The following SIPA1L2 variants were observed in gnomAD, a reference collection of about 807,000 sequenced individuals.
SIPA1L2 encodes signal induced proliferation associated 1 like 2.
In SIPA1L2, 56 loss-of-function variants were observed where a neutral mutation model predicts 163.9. The observed-to-expected ratio is 0.34, with a 90% CI of 0.28 to 0.43. The LOEUF (loss-of-function observed/expected upper bound fraction) is 0.43, where lower values mean the gene tolerates loss of function less well. Ranked by LOEUF, SIPA1L2 falls within the 20% of genes least tolerant of loss-of-function variation. SIPA1L2 has a pLI of 1.00. For synonymous variants in SIPA1L2, 877 were observed against 865.7 expected (o/e 1.01, Z -0.23); for missense variants, 1,974 against 2,193.5 (o/e 0.90, Z 2.00).
intron 3 of SIPA1L2, 64 bp from the exon 4 acceptor site, chr1:232,493,724 T>C (rs1326883870): frequency 5.0e-6 from 8 of 1,585,900 alleles, no homozygotes; most frequent in Non-Finnish European, 6.9e-6. Context: ...AGGATGGATA[T>C]CTCTCAGTTT....
chr1:232,432,477 G>GA lies in SIPA1L2; in HGVS notation c.4032-7dup, dbSNP rs1662303768. 1.9e-6 allele frequency: 3 copies of GA among 1,611,740 alleles called. No individual in the cohort carries two copies. Among genetic ancestry groups the GA allele is most frequent in the East Asian group, 2.2e-5 (1 of 44,880 alleles). On this transcript the variant is annotated splice_polypyrimidine_tract_variant and splice_region_variant and intron_variant, in intron 15 of 22. Transcript: ENST00000674635. The stretch of plus-strand genomic sequence containing the variant: ...TTCCTGAATGGTGAGAACCACTGAG[G>GA]AGAAAAACAGACAAAAGCTGCAATA...
intron 19 of SIPA1L2, among the ~76,000 whole-genome samples, chr1:232,414,865 T>C (rs12024992): frequency 0.048 from 7,302 of 152,286 alleles, 702 homozygotes; most frequent in East Asian, 0.44. Context: ...TACCTTTATC[T>C]GCGAGCTGGA....
At chr1:232,464,129 C>T (rs962211186) in intron 9 of SIPA1L2, among the ~76,000 whole-genome samples, 2 of 151,738 alleles carry the variant, frequency 1.3e-5, no homozygotes, top group Non-Finnish European at 1.5e-5. Flanking sequence ...CTTATATTAC[C>T]AAAAATAAAA....
At chr1:232,515,990 G>A (rs993084959) in intron 2 of SIPA1L2, among the ~76,000 whole-genome samples, 6 of 152,188 alleles carry the variant, frequency 3.9e-5, no homozygotes, top group African/African-American at 1.4e-4. Context: ...ATGCCTTTCA[G>A]CTGTGTACCA....
At chr1:232,524,758 G>A (rs1331021528) in intron 2 of SIPA1L2, among the ~76,000 whole-genome samples, 1 of 151,958 alleles carries the variant, frequency 6.6e-6, no homozygotes, top group Non-Finnish European at 1.5e-5. Flanking sequence ...GTTTATATAA[G>A]GCATGAAACA....
At chr1:232,582,248 C>T (rs775949071) in intron 1 of SIPA1L2, among the ~76,000 whole-genome samples, 35 of 151,964 alleles carry the variant, frequency 2.3e-4, no homozygotes, top group Non-Finnish European at 4.9e-4. Context: ...TATTGCACCC[C>T]GGCAGTGAGC....
intron 2 of SIPA1L2, among the ~76,000 whole-genome samples, chr1:232,545,427 G>C (rs1433749190): frequency 6.6e-6 from 1 of 152,126 alleles, no homozygotes; most frequent in East Asian, 1.9e-4. Context: ...AACCATGGTT[G>C]GCTTGGTTTG....
intron 1 of SIPA1L2, among the ~76,000 whole-genome samples, chr1:232,608,738 C>G (rs1662095716): frequency 6.6e-6 from 1 of 152,116 alleles, no homozygotes; most frequent in African/African-American, 2.4e-5. Context: ...GATAAGCACT[C>G]CAACTAAGGT....
intron 5 of SIPA1L2, among the ~76,000 whole-genome samples, chr1:232,487,724 CCA>C (rs71162245): frequency 0.18 from 26,822 of 151,954 alleles, 2,552 homozygotes; most frequent in Non-Finnish European, 0.21. Context: ...TGAAAATTCT[CCA>C]CAGTGTTTGA....
chr1:232,525,233 C>CAT (rs564910049), intron 2 of SIPA1L2, among the ~76,000 whole-genome samples: 1 of 102,940 alleles, frequency 9.7e-6, no homozygotes, highest in Non-Finnish European at 1.8e-5. Context: ...ATAATAATAG[C>CAT]TTTTTTTTTT....
intron 18 of SIPA1L2, among the ~76,000 whole-genome samples, chr1:232,422,386 A>C (rs1156676085): frequency 6.6e-6 from 1 of 152,252 alleles, no homozygotes; most frequent in Non-Finnish European, 1.5e-5. Context: ...AGATTGAGAC[A>C]GATTCAAATC....
chr1:232,506,623 C>T (rs1380517206), intron 3 of SIPA1L2, among the ~76,000 whole-genome samples: 2 of 152,152 alleles, frequency 1.3e-5, no homozygotes, highest in Non-Finnish European at 2.9e-5. Flanking sequence ...GTTCATTTAG[C>T]AGGATTTACA....
chr1:232,506,382 T>C (rs1314352600), intron 3 of SIPA1L2, among the ~76,000 whole-genome samples: 3 of 152,252 alleles, frequency 2.0e-5, no homozygotes, highest in Non-Finnish European at 2.9e-5. Context: ...GTTCAAGGAT[T>C]TGCCCCAAAT....
At position 232,515,136 on chromosome 1, in the gene SIPA1L2, G is replaced by A. The variant is rs202129777; in HGVS notation, c.204C>T (p.Thr68=). 120 of 1,613,952 alleles carry A rather than the reference G, an allele frequency of 7.4e-5. No individual in the cohort carries two copies. In the East Asian group the frequency reaches 2.4e-3, roughly 32 times the overall value. Residue 68 remains threonine, a synonymous_variant, in exon 3 of 23, where the codon ACC becomes ACT. Coordinates refer to ENST00000674635, the MANE Select transcript of SIPA1L2 (RefSeq NM_020808.5). ...TCACACCCATCTTGGGCACAGCTGG[G>A]GTACCATTAGCCGGACCACCACCGC... ...ETGGGGPANG[T]PAVPKMGVRA...
At chr1:232,443,036 T>A (rs1662995946) in intron 12 of SIPA1L2, among the ~76,000 whole-genome samples, 1 of 152,188 alleles carries the variant, frequency 6.6e-6, no homozygotes, top group Non-Finnish European at 1.5e-5. Flanking sequence ...CAAGTCACAG[T>A]GGCCCCAGCA....
chr1:232,607,630 C>T (rs12048527), intron 1 of SIPA1L2, among the ~76,000 whole-genome samples: 45,647 of 151,820 alleles, frequency 0.3, 7,429 homozygotes, highest in Non-Finnish European at 0.36. Context: ...CACTTCTCCT[C>T]GTATTTATTA....
At chr1:232,486,704 A>G (rs575551489) in intron 5 of SIPA1L2, among the ~76,000 whole-genome samples, 1 of 152,366 alleles carries the variant, frequency 6.6e-6, no homozygotes, top group South Asian at 2.1e-4. Context: ...GGCTGATTCC[A>G]GTAAAACAAG....
intron 1 of SIPA1L2, among the ~76,000 whole-genome samples, chr1:232,629,490 G>A (rs1663257857): frequency 6.6e-6 from 1 of 152,242 alleles, no homozygotes; most frequent in African/African-American, 2.4e-5. Context: ...AGGCGCGCCG[G>A]GGAAGCTGCG....
chr1:232,550,645 A>G (rs1454551839), intron 2 of SIPA1L2, among the ~76,000 whole-genome samples: 3 of 152,198 alleles, frequency 2.0e-5, no homozygotes, highest in Non-Finnish European at 1.5e-5. Flanking sequence ...GCAACGTTTA[A>G]TCTCACTTAA....
Sources: gnomAD v4.1 joint callset for allele counts (sites outside exome capture counted in the v4.1 genomes callset) on GRCh38, gnomAD v4.1.1 for gene constraint, MANE v1.5 for transcripts, NCBI Gene and HGNC (gene_info 2026-07-23, HGNC 2026-07-21) for gene names.